Variants in KLRG1 observed in about 807,000 individuals in gnomAD.
KLRG1 encodes killer cell lectin-like receptor subfamily G member 1.
In KLRG1, 16 loss-of-function variants were observed where a neutral mutation model predicts 21.8. That is an observed-to-expected ratio of 0.73 (90% CI 0.50 to 1.11). The LOEUF (loss-of-function observed/expected upper bound fraction) is 1.11, where lower values mean the gene tolerates loss of function less well. Among genes scored for constraint, KLRG1 ranks in the 50% most tolerant of loss-of-function variants. The pLI, the probability that KLRG1 is intolerant of heterozygous loss-of-function variation, is 0.00. For missense variants in KLRG1, 173 were observed against 218.3 expected, an observed-to-expected ratio of 0.79 and a Z score of 1.31; for synonymous variants, 69 against 75.9, an observed-to-expected ratio of 0.91 and a Z score of 0.47.
the KLRG1 span, chr12:9,068,775 G>C: frequency 6.2e-7 from 1 of 1,608,842 alleles, no homozygotes; most frequent in South Asian, 1.1e-5. Flanking sequence ...CACTATGGCT[G>C]GTTTCAGATC....
the KLRG1 span, among the ~76,000 whole-genome samples, chr12:9,214,287 T>A: frequency 6.6e-6 from 1 of 152,150 alleles, no homozygotes; most frequent in East Asian, 1.9e-4. Context: ...TAGTTCTTTT[T>A]TTCCCTTCAA....
the KLRG1 span, among the ~76,000 whole-genome samples, chr12:9,107,868 TTCC>T: frequency 6.6e-6 from 1 of 152,158 alleles, no homozygotes; most frequent in Non-Finnish European, 1.5e-5. Context: ...TTTCTTTTTT[TTCC>T]TCGTTTTTTT....
At chr12:9,071,467 G>A in the KLRG1 span, among the ~76,000 whole-genome samples, 15 of 152,106 alleles carry the variant, frequency 9.9e-5, no homozygotes, top group South Asian at 2.1e-3. Flanking sequence ...AGGTTCAGGC[G>A]TACACATGCA....
At chr12:9,171,798 A>T in the KLRG1 span, among the ~76,000 whole-genome samples, 1 of 152,214 alleles carries the variant, frequency 6.6e-6, no homozygotes, top group Non-Finnish European at 1.5e-5. Context: ...GAGAAGAAAG[A>T]ATGAAAAGAA....
intron 3 of KLRG1, among the ~76,000 whole-genome samples, chr12:9,003,745 C>T (rs1156766282): frequency 1.3e-5 from 2 of 150,824 alleles, no homozygotes; most frequent in African/African-American, 4.9e-5. Flanking sequence ...GGTACATGTT[C>T]ACAATGTGCA....
chr12:9,128,957 A>G, the KLRG1 span, among the ~76,000 whole-genome samples: 1 of 152,222 alleles, frequency 6.6e-6, no homozygotes, highest in Non-Finnish European at 1.5e-5. Context: ...AGACCACCAG[A>G]GTACTACACA....
the KLRG1 span, chr12:9,101,127 AT>A: frequency 3.2e-6 from 5 of 1,555,390 alleles, no homozygotes; most frequent in Non-Finnish European, 4.4e-6. Flanking sequence ...CAATGCAGAG[AT>A]GATGGAAATA....
the KLRG1 span, among the ~76,000 whole-genome samples, chr12:9,182,491 A>AT: frequency 6.6e-6 from 1 of 152,202 alleles, no homozygotes; most frequent in East Asian, 1.9e-4. Context: ...TAGAGCTATA[A>AT]TTTGTAAGAT....
chr12:9,044,676 A>G, the KLRG1 span, among the ~76,000 whole-genome samples: 1 of 151,978 alleles, frequency 6.6e-6, no homozygotes, highest in Non-Finnish European at 1.5e-5. Context: ...CAAAAAACAA[A>G]AAAAAAACCC....
chr12:9,165,978 G>A, the KLRG1 span: 34 of 1,506,698 alleles, frequency 2.3e-5, no homozygotes, highest in Non-Finnish European at 2.8e-5. Context: ...CAGGAAGATT[G>A]TCTTAGAATT....
chr12:9,071,112 G>A, the KLRG1 span, among the ~76,000 whole-genome samples: 7 of 151,706 alleles, frequency 4.6e-5, no homozygotes, highest in East Asian at 1.9e-4. Flanking sequence ...GAGCCACCAC[G>A]CCCGGCTGAG....
the KLRG1 span, chr12:9,150,668 T>C: frequency 6.2e-7 from 1 of 1,610,050 alleles, no homozygotes; most frequent in Non-Finnish European, 8.5e-7. Context: ...TCATAGACTT[T>C]AACAATTGCT....
At chr12:8,995,884 A>C (rs376264581) in intron 3 of KLRG1, among the ~76,000 whole-genome samples, 1 of 152,076 alleles carries the variant, frequency 6.6e-6, no homozygotes, top group South Asian at 2.1e-4. Context: ...GGATTTCACC[A>C]TGTTAGCCAG....
At chr12:8,959,392 G>A (rs747970183) in intron 1 of KLRG1, among the ~76,000 whole-genome samples, 10 of 152,200 alleles carry the variant, frequency 6.6e-5, no homozygotes, top group South Asian at 2.1e-4. Flanking sequence ...TCCTGAGACC[G>A]CTTCCCAGGA....
the KLRG1 span, among the ~76,000 whole-genome samples, chr12:9,212,737 T>TG: frequency 7.5e-6 from 1 of 133,720 alleles, no homozygotes; most frequent in East Asian, 2.4e-4. Flanking sequence ...ACATTGAATC[T>TG]GAAAAAAAAA....
intron 1 of KLRG1, among the ~76,000 whole-genome samples, chr12:8,971,586 GTTCAAGCGA>G (rs149312952): frequency 0.017 from 2,542 of 146,026 alleles, 66 homozygotes; most frequent in African/African-American, 0.059. Context: ...CAACCCCCAG[GTTCAAGCGA>G]TTCTCCTGCC....
chr12:9,134,393 T>C, the KLRG1 span, among the ~76,000 whole-genome samples: 1 of 152,162 alleles, frequency 6.6e-6, no homozygotes. Context: ...GTGTCTTTTT[T>C]CTTTTAAAAA....
At chr12:9,021,444 A>C in the KLRG1 span, among the ~76,000 whole-genome samples, 1 of 141,788 alleles carries the variant, frequency 7.1e-6, no homozygotes, top group East Asian at 2.0e-4. Flanking sequence ...TTTGTCACCT[A>C]GACTGGAGTG....
chr12:9,127,309 G>T, the KLRG1 span, among the ~76,000 whole-genome samples: 2 of 152,104 alleles, frequency 1.3e-5, no homozygotes, highest in East Asian at 1.9e-4. Context: ...AAATTCTGTG[G>T]CAGTCCATGG....
Sources: gnomAD v4.1 joint callset for allele counts (sites outside exome capture counted in the v4.1 genomes callset) on GRCh38, gnomAD v4.1.1 for gene constraint, MANE v1.5 for transcripts, NCBI Gene and HGNC (gene_info 2026-07-23, HGNC 2026-07-21) for gene names.